TRMT11: variants seen among roughly 807,000 people sequenced by gnomAD.
TRMT11 encodes the protein tRNA (guanine(10)-N(2))-methyltransferase TRMT11.
In TRMT11, 53 loss-of-function variants were observed where a neutral mutation model predicts 62.8. The ratio of observed to expected loss-of-function variants is 0.84; its 90% CI spans 0.68 to 1.06. The LOEUF is 1.06. Ranked by LOEUF, TRMT11 falls within the 50% of genes least tolerant of loss-of-function variation. The pLI, the probability that TRMT11 is intolerant of heterozygous loss-of-function variation, is 0.00. For synonymous variants in TRMT11, 188 were observed against 190.3 expected, an observed-to-expected ratio of 0.99 and a Z score of 0.10; for missense variants, 556 against 553.4, an observed-to-expected ratio of 1.00 and a Z score of -0.05.
At chr6:126,251,942 A>G in the TRMT11 span, among the ~76,000 whole-genome samples, 1 of 152,322 alleles carries the variant, frequency 6.6e-6, no homozygotes, top group Non-Finnish European at 1.5e-5. Flanking sequence ...TCCAATCTAA[A>G]TGAAGCCAGT....
chr6:126,231,272 G>C, the TRMT11 span, among the ~76,000 whole-genome samples: 4 of 152,038 alleles, frequency 2.6e-5, no homozygotes, highest in Admixed American at 2.6e-4. Flanking sequence ...GTTGACCCTT[G>C]AACAATATGC....
downstream of TRMT11, among the ~76,000 whole-genome samples, chr6:126,044,128 C>T (rs1775974664): frequency 6.6e-6 from 1 of 151,734 alleles, no homozygotes; most frequent in Non-Finnish European, 1.5e-5. Flanking sequence ...AAGTCCTTGC[C>T]CATGCCTATG....
At chr6:126,092,892 GTTCTGCT>G (rs1438982598) in intron 17 of TRMT11, among the ~76,000 whole-genome samples, 1 of 152,158 alleles carries the variant, frequency 6.6e-6, no homozygotes, top group African/African-American at 2.4e-5. Flanking sequence ...CAGAAAGTGA[GTTCTGCT>G]TATCTTGATG....
At chr6:126,107,482 T>C (rs1777477332) in intron 17 of TRMT11, among the ~76,000 whole-genome samples, 1 of 151,910 alleles carries the variant, frequency 6.6e-6, no homozygotes, top group East Asian at 1.9e-4. Context: ...AGCGATGGAG[T>C]TTGGGGTGAC....
the TRMT11 span, among the ~76,000 whole-genome samples, chr6:126,255,920 G>T: frequency 1.5e-4 from 23 of 152,310 alleles, no homozygotes; most frequent in Non-Finnish European, 7.3e-5. Context: ...GAGGCTAAAA[G>T]AACTGAACAT....
chr6:126,006,747 A>C (rs1365386782), intron 7 of TRMT11: 1 of 151,934 alleles, frequency 6.6e-6, no homozygotes, highest in Non-Finnish European at 1.5e-5. Context: ...CAGATAAGCT[A>C]ATTTATTATG....
chr6:126,264,690 C>T, the TRMT11 span, among the ~76,000 whole-genome samples: 5 of 152,178 alleles, frequency 3.3e-5, no homozygotes, highest in African/African-American at 1.2e-4. Flanking sequence ...ACTTAACCAT[C>T]CCTAAGCAAG....
At chr6:126,214,121 T>C in the TRMT11 span, among the ~76,000 whole-genome samples, 41 of 149,192 alleles carry the variant, frequency 2.7e-4, no homozygotes, top group Non-Finnish European at 1.2e-4. Context: ...ATCTTTCTAA[T>C]GTGTTGATTT....
intron 17 of TRMT11, among the ~76,000 whole-genome samples, chr6:126,095,761 G>A (rs1335610205): frequency 6.6e-6 from 1 of 152,198 alleles, no homozygotes; most frequent in Admixed American, 6.5e-5. Flanking sequence ...CTGGGCCCAG[G>A]TCTAAGTGGG....
Position 125,993,692 on chromosome 6 carries a change from T to G in TRMT11, c.73-65T>G, listed in dbSNP as rs956572434. 3.9e-6 allele frequency: 4 copies of G among 1,021,848 alleles called. No homozygotes were observed. In the African/African-American group the frequency reaches 6.4e-5, roughly 16 times the overall value. The allele number at this position is 1,021,848 out of a possible 1,614,324, so 63.3% of individuals were successfully genotyped here. ...ATTTTTTAGTCATGTAATACCTGTC[T>G]CCCTTAGTACATTTTTAGTTCCTTT... On this transcript the variant is annotated intron_variant, in intron 1 of 12. Coordinates refer to ENST00000334379, the MANE Select transcript of TRMT11 (RefSeq NM_001031712.3).
the TRMT11 span, among the ~76,000 whole-genome samples, chr6:126,211,753 A>G: frequency 5.3e-5 from 8 of 152,274 alleles, no homozygotes; most frequent in East Asian, 1.5e-3. Flanking sequence ...GGTACCCACC[A>G]CTTCAAGCGT....
At chr6:126,026,802 G>GT (rs1222722212) in intron 12 of TRMT11, among the ~76,000 whole-genome samples, 14,409 of 121,702 alleles carry the variant, frequency 0.12, 2,785 homozygotes, top group African/African-American at 0.4. Context: ...GGTTTTTTGG[G>GT]TTTTTTTTTT....
chr6:125,998,377 T>C, intron 5 of TRMT11, 62 bp downstream of exon 5: 1 of 1,297,286 alleles, frequency 7.7e-7, no homozygotes, highest in Non-Finnish European at 1.1e-6. Context: ...ATTGTTGATA[T>C]ATAGGAATAC....
At position 126,067,194 on chromosome 6, in the gene TRMT11, CT is replaced by C. The variant is rs1239526816; in HGVS notation, c.*1437+14006del. ...CAGCCTGGGCGACAGAGTGAGACTCCTTCTCAAAAAAAAAAAAAAAAAGTTG... is the reference window on the plus strand; with the variant it reads ...CAGCCTGGGCGACAGAGTGAGACTCCTCTCAAAAAAAAAAAAAAAAAGTTG... On this transcript the variant is annotated intron_variant and NMD_transcript_variant, in intron 17 of 22. Transcript: ENST00000648977. Among the ~76,000 whole-genome samples, 603 of 142,248 alleles carry C rather than the reference CT, an allele frequency of 4.2e-3. 5 individuals are homozygous for C. The highest frequency in any genetic ancestry group is 0.017 in the African/African-American group (581 of 34,476). 93.3% of individuals were successfully genotyped at this position (142,248 alleles called of 152,430 possible). A position where few individuals can be genotyped will look rare whatever the true frequency, so the allele number is the denominator to read the frequency against.
chr6:126,038,774 G>A lies in TRMT11; in HGVS notation c.1330G>A (p.Glu444Lys), dbSNP rs764823330. 6.2e-7 allele frequency: 1 copy of A among 1,606,682 alleles called. No homozygotes were observed. Among genetic ancestry groups the A allele is most frequent in the Non-Finnish European group, 8.5e-7 (1 of 1,176,780 alleles). ...LPYQGHNSFR[E>K]KYFSGVTKRI... ...ATACCAAGGTCATAATTCCTTCCGT[G>A]AGAAATATTTTAGTGGGGTAACAAA... is the stretch of plus-strand genomic sequence containing the variant. The change falls in exon 13 of 13, where the codon GAG becomes AAG. Residue 444 changes from glutamate (E) to lysine (K), a missense_variant. By Grantham distance (56) the Glu-to-Lys change is moderately conservative. Coordinates refer to ENST00000334379, the MANE Select transcript of TRMT11 (RefSeq NM_001031712.3).
intron 21 of TRMT11, among the ~76,000 whole-genome samples, chr6:126,151,905 C>CTCTTTTTCTTTCTTTCTT (rs1778058001): frequency 1.2e-5 from 1 of 80,362 alleles, no homozygotes; most frequent in Non-Finnish European, 2.3e-5. Context: ...TCTTTCTTTT[C>CTCTTTTTCTTTCTTTCTT]TCTTTCTTTC....
intron 21 of TRMT11, among the ~76,000 whole-genome samples, chr6:126,170,752 G>A (rs6569456): frequency 0.37 from 55,791 of 151,830 alleles, 11,499 homozygotes; most frequent in African/African-American, 0.55. Flanking sequence ...ATGCTCTTTG[G>A]GGGTTTTTCC....
the TRMT11 span, among the ~76,000 whole-genome samples, chr6:126,218,186 C>A: frequency 6.6e-6 from 1 of 152,194 alleles, no homozygotes; most frequent in African/African-American, 2.4e-5. Context: ...ACTGGGTACC[C>A]CAAGAACCCA....
intron 17 of TRMT11, among the ~76,000 whole-genome samples, chr6:126,087,661 A>G (rs1412169959): frequency 6.6e-6 from 1 of 152,222 alleles, no homozygotes; most frequent in East Asian, 1.9e-4. Flanking sequence ...AATTATGAAG[A>G]AAGGAGAGCC....
Sources: gnomAD v4.1 joint callset for allele counts (sites outside exome capture counted in the v4.1 genomes callset) on GRCh38, gnomAD v4.1.1 for gene constraint, MANE v1.5 for transcripts, NCBI Gene and HGNC (gene_info 2026-07-23, HGNC 2026-07-21) for gene names.